Variants in LARS1 observed in about 807,000 individuals in gnomAD.
The protein encoded by LARS1 is leucine--tRNA ligase, cytoplasmic.
In LARS1, 100 loss-of-function variants were observed where a neutral mutation model predicts 162.8. The observed-to-expected ratio is 0.61, with a 90% CI of 0.52 to 0.73. LARS1 has a LOEUF of 0.73. Ranked by LOEUF, LARS1 falls within the 30% of genes least tolerant of loss-of-function variation. LARS1 has a pLI of 0.00. For missense variants in LARS1, 1,258 were observed against 1,408.9 expected, an observed-to-expected ratio of 0.89 and a Z score of 1.71; for synonymous variants, 457 against 462.8, an observed-to-expected ratio of 0.99 and a Z score of 0.16.
intron 1 of LARS1, 134 bp downstream of exon 1, chr5:146,182,354 T>A (rs1015572151): frequency 1.7e-6 from 2 of 1,174,580 alleles, no homozygotes; most frequent in Non-Finnish European, 2.5e-6. Flanking sequence ...AAGCAAAGTC[T>A]CTACGAAAGG....
intron 2 of LARS1, among the ~76,000 whole-genome samples, chr5:146,174,594 A>G (rs796093528): frequency 1.5e-4 from 17 of 115,140 alleles, no homozygotes; most frequent in African/African-American, 2.6e-4. Context: ...ATCCATATAT[A>G]TATATATATA....
intron 4 of LARS1, among the ~76,000 whole-genome samples, chr5:146,168,886 C>T (rs776185256): frequency 2.0e-5 from 3 of 151,472 alleles, no homozygotes; most frequent in Non-Finnish European, 4.4e-5. Context: ...TTTTGGATAA[C>T]ATTAATAACA....
intron 24 of LARS1, 49 bp from the exon 25 acceptor site, chr5:146,130,207 A>C: frequency 6.4e-7 from 1 of 1,567,862 alleles, no homozygotes; most frequent in South Asian, 1.2e-5. Flanking sequence ...CTTTAAAATA[A>C]AAATAAAGGG....
intron 3 of LARS1, 50 bp from the exon 4 acceptor site, chr5:146,172,040 T>C (rs192814450): frequency 1.4e-6 from 2 of 1,449,940 alleles, no homozygotes; most frequent in East Asian, 2.3e-5. Flanking sequence ...GCCAGACAAA[T>C]ACAAAATGTG....
intron 30 of LARS1, 41 bp from the exon 31 acceptor site, chr5:146,120,544 T>A (rs752904193): frequency 6.8e-5 from 108 of 1,584,792 alleles, no homozygotes; most frequent in Non-Finnish European, 9.3e-5. Flanking sequence ...ACTTGAATAC[T>A]GCTGAGGGAG....
rs748628959 is a variant in LARS1 at position 146,140,154 on chromosome 5, T to C, written c.2148+50A>G. On this transcript the variant is annotated intron_variant, in intron 21 of 31. Transcript: ENST00000394434. ...AAAAAAAAGTGCAACAACCTAAATCTGAAAAGCCTTCCACAGAATTTTAAA... is the reference window on the plus strand; with the variant it reads ...AAAAAAAAGTGCAACAACCTAAATCCGAAAAGCCTTCCACAGAATTTTAAA... 21 of 1,428,830 alleles carry C rather than the reference T, an allele frequency of 1.5e-5. No individual in the cohort carries two copies. In the East Asian group the frequency reaches 4.8e-4, roughly 33 times the overall value. 88.5% of individuals were successfully genotyped at this position (1,428,830 alleles called of 1,614,324 possible). A position where few individuals can be genotyped will look rare whatever the true frequency, so the allele number is the denominator to read the frequency against.
chr5:146,181,596 G>A (rs998761926), intron 1 of LARS1, among the ~76,000 whole-genome samples: 1 of 151,978 alleles, frequency 6.6e-6, no homozygotes, highest in African/African-American at 2.4e-5. Context: ...AGGCTGCAGT[G>A]AGCCATGATC....
Position 146,153,311 on chromosome 5 carries a change from A to T in LARS1, c.1231-84T>A, listed in dbSNP as rs1256062392. The T allele has an allele frequency of 4.9e-6, 5 of 1,023,124 alleles. No homozygotes were observed. The Admixed American group carries it at 7.7e-5, about 16-fold the overall frequency. 63.4% of individuals were successfully genotyped at this position (1,023,124 alleles called of 1,614,324 possible). On this transcript the variant is annotated intron_variant, in intron 12 of 31. Transcript: ENST00000394434. ...AGAGAAGCAATCTCCAAAGTTTCTT[A>T]AAAGTTTCTTTAAAGTTTCTATTTG...
intron 20 of LARS1, among the ~76,000 whole-genome samples, chr5:146,141,017 T>C (rs564587372): frequency 5.0e-4 from 76 of 152,228 alleles, no homozygotes; most frequent in African/African-American, 1.7e-3. Context: ...AAGAAACCAA[T>C]AGCATCATGA....
Position 146,182,513 on chromosome 5 carries a change from T to A in LARS1, c.-20A>T. 1 of 1,613,864 alleles carries A rather than the reference T, an allele frequency of 6.2e-7. No homozygotes were observed. Among genetic ancestry groups the A allele is most frequent in the Non-Finnish European group, 8.5e-7 (1 of 1,179,876 alleles). ...CGCCATTGCACCGCCCAGCCGACTG[T>A]GCAAATCCACGACAATGACCCTGGC... On this transcript the variant is annotated 5_prime_UTR_variant, in exon 1 of 32. Coordinates refer to ENST00000394434, the MANE Select transcript of LARS1 (RefSeq NM_020117.11).
At chr5:146,133,650 T>C (rs1752387903) in intron 22 of LARS1, among the ~76,000 whole-genome samples, 1 of 141,586 alleles carries the variant, frequency 7.1e-6, no homozygotes, top group South Asian at 2.2e-4. Context: ...TGTCCATCAA[T>C]TAAACTGTAG....
chr5:146,161,722 C>T (rs771896069), intron 6 of LARS1, among the ~76,000 whole-genome samples: 2 of 150,098 alleles, frequency 1.3e-5, no homozygotes, highest in Non-Finnish European at 3.0e-5. Flanking sequence ...CATTGCACTC[C>T]AGCCTGGGCA....
At chr5:146,119,777 T>C (rs1751736733) in intron 31 of LARS1, among the ~76,000 whole-genome samples, 1 of 152,198 alleles carries the variant, frequency 6.6e-6, no homozygotes, top group Non-Finnish European at 1.5e-5. Context: ...AGAAAGAATA[T>C]GAGCTTTGGA....
intron 10 of LARS1, among the ~76,000 whole-genome samples, chr5:146,156,436 G>A (rs1753531544): frequency 1.3e-5 from 2 of 152,194 alleles, no homozygotes; most frequent in African/African-American, 4.8e-5. Context: ...GCTTACGCCT[G>A]TAATCCCTGC....
rs767969147 is a variant in LARS1 at position 146,160,361 on chromosome 5, A to G, written c.707+13T>C. 1.4e-5 allele frequency: 20 copies of G among 1,442,844 alleles called. No homozygotes were observed. Among genetic ancestry groups the G allele is most frequent in the Middle Eastern group, 1.7e-4 (1 of 5,730 alleles). 89.4% of individuals were successfully genotyped at this position (1,442,844 alleles called of 1,614,324 possible). ...GATTTTTGCTTTATTATGCTCAAGT[A>G]TAACAAACTTACCGCTTCCCAAATT... On this transcript the variant is annotated intron_variant, in intron 7 of 31. Coordinates refer to ENST00000394434, the MANE Select transcript of LARS1 (RefSeq NM_020117.11).
At chr5:146,118,926 T>C (rs1751689991) in intron 31 of LARS1, among the ~76,000 whole-genome samples, 1 of 152,198 alleles carries the variant, frequency 6.6e-6, no homozygotes, top group Non-Finnish European at 1.5e-5. Flanking sequence ...TCCCTAACCC[T>C]AGTATACTGT....
chr5:146,171,819 A>G (rs1754293603), intron 4 of LARS1, 91 bp downstream of exon 4: 2 of 808,896 alleles, frequency 2.5e-6, no homozygotes, highest in Non-Finnish European at 4.0e-6. Flanking sequence ...TTAATGCAGC[A>G]ATACTTAAAA....
intron 21 of LARS1, among the ~76,000 whole-genome samples, chr5:146,136,098 A>T (rs1187232664): frequency 6.6e-6 from 1 of 152,258 alleles, no homozygotes; most frequent in East Asian, 1.9e-4. Context: ...GGTCACAAAA[A>T]TCGGTTGTTC....
chr5:146,126,865 G>A (rs907717971), intron 27 of LARS1, among the ~76,000 whole-genome samples: 8 of 151,954 alleles, frequency 5.3e-5, no homozygotes, highest in African/African-American at 1.7e-4. Context: ...CATTTTATTA[G>A]TCATATTAAA....
Sources: allele counts gnomAD v4.1 joint callset (sites outside exome capture counted in the v4.1 genomes callset), GRCh38; gene constraint gnomAD v4.1.1; transcripts MANE v1.5; gene names NCBI Gene and HGNC (gene_info 2026-07-23, HGNC 2026-07-21).